The following PPIP5K2 variants were observed in gnomAD, a reference collection of about 807,000 sequenced individuals.
The protein encoded by PPIP5K2 is inositol hexakisphosphate and diphosphoinositol-pentakisphosphate kinase 2.
PPIP5K2 carries 105 observed loss-of-function variants against 154.6 expected under a neutral mutation model. The observed-to-expected ratio is 0.68, with a 90% CI of 0.58 to 0.80. The LOEUF (loss-of-function observed/expected upper bound fraction) is 0.80, where lower values mean the gene tolerates loss of function less well. Ranked by LOEUF, PPIP5K2 falls within the 30% of genes least tolerant of loss-of-function variation. The pLI is 0.00. For synonymous variants in PPIP5K2, 480 were observed against 490.3 expected, an observed-to-expected ratio of 0.98 and a Z score of 0.28; for missense variants, 992 against 1,504.6, an observed-to-expected ratio of 0.66 and a Z score of 5.64.
chr5:103,146,723 C>T (rs1554209316), intron 6 of PPIP5K2, 42 bp downstream of exon 6: 10 of 1,507,680 alleles, frequency 6.6e-6, no homozygotes, highest in Non-Finnish European at 8.1e-6. Flanking sequence ...CTTCTTTGTA[C>T]ATTGTCGTGT....
rs557696164 is a variant in PPIP5K2, at chr5:103,198,765, C to T, written c.3620-2757C>T. On this transcript the variant is annotated intron_variant, in intron 30 of 30. Transcript: ENST00000358359. The stretch of plus-strand genomic sequence containing the variant: ...ATATCTGCCTTATGGTTGCAGTTTA[C>T]AGTTCATTAACATTTAATGTAATTG... Among the ~76,000 whole-genome samples the T allele has an allele frequency of 3.6e-4, 55 of 152,200 alleles. 1 individual carries two copies. Among genetic ancestry groups the T allele is most frequent in the South Asian group, 1.0e-3 (5 of 4,820 alleles).
intron 1 of PPIP5K2, among the ~76,000 whole-genome samples, chr5:103,126,975 C>T (rs1789796576): frequency 6.6e-6 from 1 of 152,092 alleles, no homozygotes; most frequent in African/African-American, 2.4e-5. Context: ...AAACACAGCC[C>T]AATAGGTCTG....
At chr5:103,165,689 A>G (rs1237024064) in intron 17 of PPIP5K2, among the ~76,000 whole-genome samples, 1 of 152,132 alleles carries the variant, frequency 6.6e-6, no homozygotes, top group Non-Finnish European at 1.5e-5. Context: ...TTCCCGAAGA[A>G]ATCAGCAGTA....
intron 1 of PPIP5K2, among the ~76,000 whole-genome samples, chr5:103,129,066 CTT>C (rs1790192599): frequency 6.6e-6 from 1 of 152,058 alleles, no homozygotes; most frequent in East Asian, 1.9e-4. Context: ...AATGTGTAGT[CTT>C]TTTGTTAATT....
In PPIP5K2 at chr5:103,211,159, A is replaced by G. The variant is rs571376443; in HGVS notation, c.*9525A>G. ...GGTTCTGACCTATCTCTTACAGTCC[A>G]TAATGTTGTGATTCTAAGAATATTT... On this transcript the variant is annotated 3_prime_UTR_variant, in exon 31 of 31. Transcript: ENST00000358359. 3 of 152,224 alleles carry G rather than the reference A, an allele frequency of 2.0e-5. No individual in the cohort carries two copies. In the South Asian group the frequency reaches 6.2e-4, roughly 32 times the overall value. The allele number at this position is 152,224 out of a possible 1,614,324, so 9.4% of individuals were successfully genotyped here.
intron 17 of PPIP5K2, among the ~76,000 whole-genome samples, chr5:103,164,910 G>T (rs77583471): frequency 0.037 from 5,554 of 152,080 alleles, 336 homozygotes; most frequent in African/African-American, 0.13. Context: ...CATTACAAAG[G>T]CATAACAGGA....
At chr5:103,201,321 A>G (rs1802957005) in intron 30 of PPIP5K2, among the ~76,000 whole-genome samples, 1 of 152,234 alleles carries the variant, frequency 6.6e-6, no homozygotes. Flanking sequence ...TTTTGTGAAC[A>G]CAGCCCATTG....
chr5:103,142,786 A>AC lies in PPIP5K2; in HGVS notation c.488-3741_488-3740insC, dbSNP rs1261397419. Among the ~76,000 whole-genome samples, 3 of 151,840 alleles carry AC rather than the reference A, an allele frequency of 2.0e-5. No individual in the cohort carries two copies. The East Asian group carries it at 5.8e-4, about 29-fold the overall frequency. On this transcript the variant is annotated intron_variant, in intron 5 of 30. Coordinates refer to ENST00000358359, the MANE Select transcript of PPIP5K2 (RefSeq NM_001276277.3). The stretch of plus-strand genomic sequence containing the variant: ...GCAAGACTCCGTCTCAAAAAAAAAA[A>AC]AAAAATTCAAGAAATCATCTGAATG...
chr5:103,193,921 A>C (rs1380473324), intron 29 of PPIP5K2, among the ~76,000 whole-genome samples: 1 of 151,922 alleles, frequency 6.6e-6, no homozygotes, highest in Non-Finnish European at 1.5e-5. Flanking sequence ...TCCTTTTTAC[A>C]CCTCTCAATT....
intron 23 of PPIP5K2, 35 bp downstream of exon 23, chr5:103,178,015 A>G (rs1554221578): frequency 1.6e-6 from 2 of 1,283,602 alleles, no homozygotes; most frequent in Admixed American, 3.5e-5. Flanking sequence ...CTTAGTTACT[A>G]CAGTTCTAGA....
Position 103,157,701 on chromosome 5 carries a change from C to CAA in PPIP5K2, c.1490-476_1490-475dup, listed in dbSNP as rs200006175. Reference sequence around the variant, plus strand: ...AGGGCGACCAAGCGAGACTCTGTCTCAAAAAAAAAAAACAAAAAAATATAT... The same window carrying CAA: ...AGGGCGACCAAGCGAGACTCTGTCTCAAAAAAAAAAAAAACAAAAAAATATAT... On this transcript the variant is annotated intron_variant, in intron 14 of 30. Coordinates refer to ENST00000358359, the MANE Select transcript of PPIP5K2 (RefSeq NM_001276277.3). 7.2e-4 allele frequency among the ~76,000 whole-genome samples: 96 copies of CAA among 133,586 alleles called. No homozygotes were observed. The East Asian group carries it at 8.6e-3, about 12-fold the overall frequency. The allele number at this position is 133,586 out of a possible 152,430, so 87.6% of individuals were successfully genotyped here. A position where few individuals can be genotyped will look rare whatever the true frequency, so the allele number is the denominator to read the frequency against.
At chr5:103,180,249 A>G in intron 24 of PPIP5K2, 61 bp downstream of exon 24, 4 of 1,362,046 alleles carry the variant, frequency 2.9e-6, no homozygotes, top group Non-Finnish European at 3.9e-6. Context: ...TTAATAAAAC[A>G]GAAAAGAAAA....
At chr5:103,181,768 A>G (rs1052551023) in intron 24 of PPIP5K2, among the ~76,000 whole-genome samples, 4 of 152,216 alleles carry the variant, frequency 2.6e-5, no homozygotes, top group Admixed American at 6.5e-5. Flanking sequence ...AATTGTGCTC[A>G]TTTCTACAGC....
chr5:103,176,796 T>G, intron 21 of PPIP5K2: 1 of 909,900 alleles, frequency 1.1e-6, no homozygotes, highest in Non-Finnish European at 1.6e-6. Context: ...ATTTTCTACT[T>G]TGAATGCTTG....
chr5:103,193,405 C>T (rs1244702208), intron 29 of PPIP5K2, among the ~76,000 whole-genome samples: 1 of 151,878 alleles, frequency 6.6e-6, no homozygotes, highest in Admixed American at 6.6e-5. Context: ...GGAAAAGGAA[C>T]TGTTAATCAT....
chr5:103,142,958 G>A (rs563020477), intron 5 of PPIP5K2, among the ~76,000 whole-genome samples: 1 of 152,216 alleles, frequency 6.6e-6, no homozygotes, highest in South Asian at 2.1e-4. Flanking sequence ...CTTTTTACGA[G>A]TATAGAAACA....
At chr5:103,199,357 T>C (rs1012031888) in intron 30 of PPIP5K2, among the ~76,000 whole-genome samples, 20 of 152,124 alleles carry the variant, frequency 1.3e-4, no homozygotes, top group African/African-American at 4.8e-4. Context: ...TTCATTTTTT[T>C]GTGTCTGAAA....
intron 28 of PPIP5K2, among the ~76,000 whole-genome samples, chr5:103,190,547 G>T (rs537664442): frequency 2.3e-4 from 34 of 150,274 alleles, no homozygotes; most frequent in African/African-American, 7.1e-4. Context: ...GTATTTCTTT[G>T]TTTTTTTTTC....
chr5:103,131,272 A>G (rs1392871595), intron 2 of PPIP5K2, among the ~76,000 whole-genome samples: 6 of 152,196 alleles, frequency 3.9e-5, no homozygotes, highest in Admixed American at 2.0e-4. Context: ...TTATAAAATT[A>G]TGTGATATTT....
Sources: allele counts gnomAD v4.1 joint callset (sites outside exome capture counted in the v4.1 genomes callset), GRCh38; gene constraint gnomAD v4.1.1; transcripts MANE v1.5; gene names NCBI Gene and HGNC (gene_info 2026-07-23, HGNC 2026-07-21).